RYR2: variants seen among roughly 807,000 people sequenced by gnomAD.
RYR2 encodes the protein ryanodine receptor 2, also known as cardiac muscle ryanodine receptor-calcium release channel.
Under a neutral mutation model 601.1 loss-of-function variants are expected in RYR2, and 227 were observed. The ratio of observed to expected loss-of-function variants is 0.38; its 90% CI spans 0.34 to 0.42. RYR2 has a LOEUF of 0.42. RYR2 is among the 10% of genes least tolerant of loss of function. The pLI, the probability that RYR2 is intolerant of heterozygous loss-of-function variation, is 1.00. For missense variants in RYR2, 4,646 were observed against 6,156.5 expected (o/e 0.75, Z 8.21); for synonymous variants, 2,223 against 2,175.1 (o/e 1.02, Z -0.61).
At chr1:237,505,443 A>G (rs1289652876) in intron 22 of RYR2, among the ~76,000 whole-genome samples, 1 of 152,242 alleles carries the variant, frequency 6.6e-6, no homozygotes, top group African/African-American at 2.4e-5. Context: ...TTGCTTAGCA[A>G]TCAGATTTTT....
At chr1:237,331,921 A>G (rs1035811811) in intron 3 of RYR2, among the ~76,000 whole-genome samples, 1 of 152,202 alleles carries the variant, frequency 6.6e-6, no homozygotes, top group African/African-American at 2.4e-5. Flanking sequence ...GCTGTTACCC[A>G]GTCTTAACCA....
intron 1 of RYR2, among the ~76,000 whole-genome samples, chr1:237,251,664 A>C (rs991328226): frequency 6.6e-6 from 1 of 152,084 alleles, no homozygotes; most frequent in African/African-American, 2.4e-5. Context: ...ATGTCTTTAT[A>C]TATGTTCTTC....
chr1:237,768,234 A>C (rs189047432), intron 84 of RYR2, among the ~76,000 whole-genome samples: 1 of 152,322 alleles, frequency 6.6e-6, no homozygotes, highest in African/African-American at 2.4e-5. Flanking sequence ...ACAATTAATA[A>C]ATTCAAATCG....
At chr1:237,791,637 T>G (rs1255686872) in intron 93 of RYR2, 122 bp downstream of exon 93, 2 of 628,266 alleles carry the variant, frequency 3.2e-6, no homozygotes, top group Non-Finnish European at 5.6e-6. Context: ...TATGAAATAC[T>G]GGTGCCTAGG....
chr1:237,726,135 A>C, intron 74 of RYR2, 138 bp from the exon 75 acceptor site: 1 of 661,158 alleles, frequency 1.5e-6, no homozygotes, highest in Non-Finnish European at 2.6e-6. Flanking sequence ...GCCTCGTGAA[A>C]ATTTCTAAAC....
chr1:237,048,894 C>A (rs1260804563), intron 1 of RYR2, among the ~76,000 whole-genome samples: 2 of 152,158 alleles, frequency 1.3e-5, no homozygotes, highest in African/African-American at 4.8e-5. Context: ...GTGAACATCA[C>A]TTGAATGCGT....
intron 12 of RYR2, among the ~76,000 whole-genome samples, chr1:237,438,254 G>A (rs145692109): frequency 4.1e-4 from 63 of 151,876 alleles, no homozygotes; most frequent in African/African-American, 1.3e-3. Flanking sequence ...TAAAGTCCTC[G>A]TCTGCTAGTT....
chr1:237,525,371 A>G (rs1232752243), intron 24 of RYR2, among the ~76,000 whole-genome samples: 1 of 152,154 alleles, frequency 6.6e-6, no homozygotes, highest in Admixed American at 6.5e-5. Flanking sequence ...AACAGTTGAC[A>G]GACACTTAAG....
chr1:237,729,441 G>C (rs1322001036), intron 76 of RYR2, among the ~76,000 whole-genome samples: 1 of 152,164 alleles, frequency 6.6e-6, no homozygotes, highest in Non-Finnish European at 1.5e-5. Context: ...TGCGTTGGCA[G>C]TTGCCCCCTC....
At chr1:237,085,683 A>C (rs1251802865) in intron 1 of RYR2, among the ~76,000 whole-genome samples, 1 of 152,194 alleles carries the variant, frequency 6.6e-6, no homozygotes, top group Non-Finnish European at 1.5e-5. Flanking sequence ...AGGGGCCTGG[A>C]ATCCTGGGAA....
At chr1:237,754,774 G>T (rs1692807929) in intron 80 of RYR2, among the ~76,000 whole-genome samples, 1 of 152,124 alleles carries the variant, frequency 6.6e-6, no homozygotes, top group Admixed American at 6.6e-5. Flanking sequence ...CAGACGAAAG[G>T]GTCCTCTTTC....
intron 1 of RYR2, among the ~76,000 whole-genome samples, chr1:237,118,360 CTAGA>C (rs1397043316): frequency 6.6e-6 from 1 of 151,520 alleles, no homozygotes; most frequent in African/African-American, 2.4e-5. Flanking sequence ...CAGACGTTTG[CTAGA>C]TAAAGTAAAG....
chr1:237,610,678 G>A lies in RYR2; in HGVS notation c.4684-84G>A, dbSNP rs1677741075. The A allele has an allele frequency of 4.6e-6, 5 of 1,094,780 alleles. No individual in the cohort carries two copies. Among genetic ancestry groups the A allele is most frequent in the Non-Finnish European group, 6.6e-6 (5 of 752,044 alleles). 67.8% of individuals were successfully genotyped at this position (1,094,780 alleles called of 1,614,324 possible). Reference sequence around the variant, plus strand: ...GGGTTATCTTACTTTCCCTGTCTCTGTCCTGTGCAGAATTCTAGTCATTAC... The same window carrying A: ...GGGTTATCTTACTTTCCCTGTCTCTATCCTGTGCAGAATTCTAGTCATTAC... On this transcript the variant is annotated intron_variant, in intron 35 of 104. Transcript: ENST00000366574. The surrounding 1 kb of genome is among the most constrained non-coding windows in gnomAD (Gnocchi z 4.9).
At position 237,753,308 on chromosome 1, in the gene RYR2, T is replaced by G. The variant is rs144016627; in HGVS notation, c.11146-2980T>G. ...CTTATTTCAATATTTTTTTCTCACA[T>G]AAGACAAGTTGTCGAAGAACTAAAT... On this transcript the variant is annotated intron_variant, in intron 80 of 104. Coordinates refer to ENST00000366574, the MANE Select transcript of RYR2 (RefSeq NM_001035.3). 3.0e-3 allele frequency among the ~76,000 whole-genome samples: 455 copies of G among 152,346 alleles called. 1 individual carries two copies. Among genetic ancestry groups the G allele is most frequent in the African/African-American group, 9.9e-3 (410 of 41,584 alleles).
intron 35 of RYR2, among the ~76,000 whole-genome samples, chr1:237,608,932 A>T (rs1677474148): frequency 6.6e-6 from 1 of 151,660 alleles, no homozygotes; most frequent in Non-Finnish European, 1.5e-5. Flanking sequence ...TAGCTATCAC[A>T]AATTGAATGC....
intron 41 of RYR2, 33 bp downstream of exon 41, chr1:237,628,113 C>T (rs372608869): frequency 1.5e-5 from 24 of 1,601,252 alleles, no homozygotes; most frequent in East Asian, 4.5e-5. Context: ...CCCTTTGTCT[C>T]GTAAATGTTT....
chr1:237,401,848 C>G (rs1036022832), intron 10 of RYR2, among the ~76,000 whole-genome samples: 1 of 152,106 alleles, frequency 6.6e-6, no homozygotes, highest in South Asian at 2.1e-4. Context: ...AGGGGCCCAC[C>G]ATGAACCACA....
At chr1:237,719,761 G>A (rs993788707) in intron 73 of RYR2, among the ~76,000 whole-genome samples, 11 of 151,498 alleles carry the variant, frequency 7.3e-5, no homozygotes, top group Non-Finnish European at 1.5e-4. Flanking sequence ...ACCAGGTCCC[G>A]TCTCCAACAC....
At chr1:237,616,158 G>A (rs1678442277) in intron 37 of RYR2, among the ~76,000 whole-genome samples, 1 of 152,184 alleles carries the variant, frequency 6.6e-6, no homozygotes, top group Non-Finnish European at 1.5e-5. Flanking sequence ...GTTGGACACT[G>A]TGACTACTTC....
Sources: gnomAD v4.1 joint callset for allele counts (sites outside exome capture counted in the v4.1 genomes callset) on GRCh38, gnomAD v4.1.1 for gene constraint, Gnocchi (gnomAD v3.1) non-coding constraint, MANE v1.5 for transcripts, NCBI Gene and HGNC (gene_info 2026-07-23, HGNC 2026-07-21) for gene names.